The following DLG1 variants were observed in gnomAD, a reference collection of about 807,000 sequenced individuals.
DLG1 encodes disks large homolog 1.
In DLG1, 42 loss-of-function variants were observed where a neutral mutation model predicts 123.4. The ratio of observed to expected loss-of-function variants is 0.34; its 90% confidence interval spans 0.27 to 0.44. The LOEUF (loss-of-function observed/expected upper bound fraction) is 0.44. DLG1 is among the 20% of genes least tolerant of loss of function. The probability of loss-of-function intolerance (pLI) is 1.00; values close to 1 mark genes in which losing one functional copy is unlikely to be tolerated. For missense variants in DLG1, 942 were observed against 1,082.6 expected (o/e 0.87, Z 1.82); for synonymous variants, 317 against 356.2 (o/e 0.89, Z 1.24).
chr3:197,067,551 G>GTTTT (rs199907948), intron 19 of DLG1, among the ~76,000 whole-genome samples: 1,793 of 107,264 alleles, frequency 0.017, 135 homozygotes, highest in African/African-American at 0.042. Flanking sequence ...AACTCTGAGA[G>GTTTT]TTTTTTTTTT....
At chr3:197,225,376 A>G (rs1037092412) in intron 4 of DLG1, among the ~76,000 whole-genome samples, 2 of 152,252 alleles carry the variant, frequency 1.3e-5, no homozygotes, top group Non-Finnish European at 2.9e-5. Flanking sequence ...AATGAGTAGT[A>G]AAGTCATGGT....
At chr3:197,240,962 G>T (rs1478329760) in intron 4 of DLG1, among the ~76,000 whole-genome samples, 1 of 152,014 alleles carries the variant, frequency 6.6e-6, no homozygotes, top group Non-Finnish European at 1.5e-5. Flanking sequence ...AAAGAAAGTT[G>T]AGCAAAAGCA....
At chr3:197,046,604 G>C (rs1723259564) in intron 24 of DLG1, among the ~76,000 whole-genome samples, 1 of 152,206 alleles carries the variant, frequency 6.6e-6, no homozygotes, top group Non-Finnish European at 1.5e-5. Context: ...GGGTGCAGTG[G>C]CTCACGCCTG....
At chr3:197,244,717 G>T (rs1427681296) in intron 4 of DLG1, among the ~76,000 whole-genome samples, 1 of 151,740 alleles carries the variant, frequency 6.6e-6, no homozygotes, top group Non-Finnish European at 1.5e-5. Flanking sequence ...TTGTTGTTTG[G>T]ACTGCAGTCT....
chr3:197,194,426 T>G lies in DLG1; in HGVS notation c.482A>C (p.Lys161Thr). The G allele has an allele frequency of 6.3e-7, 1 of 1,575,698 alleles. No individual in the cohort carries two copies. The highest frequency in any genetic ancestry group is 8.6e-7 in the Non-Finnish European group (1 of 1,160,684). The change falls in exon 5 of 25, where the codon AAG (lysine) becomes ACG (threonine). Residue 161 changes from lysine to threonine, a missense_variant and splice_region_variant. Coordinates refer to ENST00000667157, the MANE Select transcript of DLG1 (RefSeq NM_001366207.1). ...AATAATAAATAGATACTATCCTACC[T>G]TTATTGGTGAAATATGAGAATGAGA... is the stretch of plus-strand genomic sequence containing the variant. The part of the protein sequence containing the change: ...FVSHSHISPI[K>T]ANPPPVLVNT...
At chr3:197,074,362 C>T (rs571313753) in intron 18 of DLG1, among the ~76,000 whole-genome samples, 120 of 152,116 alleles carry the variant, frequency 7.9e-4, no homozygotes, top group Middle Eastern at 6.8e-3. Context: ...TATTATTTCT[C>T]TTCCAAAGTC....
chr3:197,156,845 T>C (rs1291276697), intron 5 of DLG1, among the ~76,000 whole-genome samples: 1 of 152,180 alleles, frequency 6.6e-6, no homozygotes, highest in African/African-American at 2.4e-5. Context: ...TCTACAATAA[T>C]AGCTGGAGAC....
At chr3:197,128,837 GTTTT>G (rs369511144) in intron 11 of DLG1, among the ~76,000 whole-genome samples, 4 of 147,910 alleles carry the variant, frequency 2.7e-5, no homozygotes, top group African/African-American at 9.9e-5. Context: ...TGAAAGGAGT[GTTTT>G]TTTTTTGTTT....
intron 11 of DLG1, among the ~76,000 whole-genome samples, chr3:197,122,155 T>C (rs546035150): frequency 2.0e-5 from 3 of 152,184 alleles, no homozygotes; most frequent in South Asian, 2.1e-4. Context: ...TGTGGGTTTT[T>C]TCCCCCCACA....
intron 4 of DLG1, among the ~76,000 whole-genome samples, chr3:197,272,023 A>G (rs1764115887): frequency 6.6e-6 from 1 of 152,182 alleles, no homozygotes; most frequent in Non-Finnish European, 1.5e-5. Flanking sequence ...ACTCCTCTAC[A>G]ACTGGTGCTA....
chr3:197,296,029 T>G (rs1777208178), intron 3 of DLG1, among the ~76,000 whole-genome samples: 1 of 152,204 alleles, frequency 6.6e-6, no homozygotes, highest in Non-Finnish European at 1.5e-5. Flanking sequence ...GCCAGTCAAA[T>G]ACAGAAACAA....
intron 4 of DLG1, among the ~76,000 whole-genome samples, chr3:197,232,409 T>C (rs1006109787): frequency 1.5e-4 from 22 of 150,110 alleles, no homozygotes; most frequent in Non-Finnish European, 3.3e-4. Context: ...CTAATGATAC[T>C]GCTCATGGTA....
intron 4 of DLG1, among the ~76,000 whole-genome samples, chr3:197,195,932 T>C (rs1486196722): frequency 6.6e-6 from 1 of 151,824 alleles, no homozygotes; most frequent in African/African-American, 2.4e-5. Flanking sequence ...CTCAGCTTCT[T>C]TAGTGAGAGA....
chr3:197,152,474 A>G (rs1794412700), intron 5 of DLG1, among the ~76,000 whole-genome samples: 1 of 123,766 alleles, frequency 8.1e-6, no homozygotes, highest in African/African-American at 3.2e-5. Flanking sequence ...CCAGGGTAGG[A>G]CTTTTTAAAA....
intron 1 of DLG1, chr3:197,297,485 C>T: frequency 7.6e-7 from 1 of 1,312,284 alleles, no homozygotes; most frequent in Non-Finnish European, 9.7e-7. Flanking sequence ...GCGTCCCCTC[C>T]CCAAAGAGCC....
intron 3 of DLG1, among the ~76,000 whole-genome samples, chr3:197,290,310 C>T (rs1390876724): frequency 1.3e-5 from 2 of 152,084 alleles, no homozygotes; most frequent in Non-Finnish European, 2.9e-5. Context: ...TATTATAAAC[C>T]GGTTCAAGAA....
rs1334292456 is a variant in DLG1, at chr3:197,044,627, A to G, written c.2678T>C (p.Leu893Pro). ...GAAACAGAGAAACATGAGTTTTCAT[A>G]GCTTTTCTTTTGCCGGAACCCAGAT... is the stretch of plus-strand genomic sequence containing the variant. The part of the protein sequence containing the change: ...SYIWVPAKEK[L>P] Residue 893 changes from leucine to proline, a missense_variant, in exon 25 of 25, where the codon CTA becomes CCA. Leu to Pro is a moderately conservative substitution (Grantham distance 98, BLOSUM62 -3). Transcript: ENST00000667157. The G allele has an allele frequency of 6.3e-7, 1 of 1,599,314 alleles. No individual in the cohort carries two copies. Among genetic ancestry groups the G allele is most frequent in the Admixed American group, 1.7e-5 (1 of 58,980 alleles).
At chr3:197,158,643 A>AAAAAAAAC (rs1797488151) in intron 5 of DLG1, among the ~76,000 whole-genome samples, 1 of 122,710 alleles carries the variant, frequency 8.1e-6, no homozygotes, top group African/African-American at 3.0e-5. Flanking sequence ...TCAAAAAAAA[A>AAAAAAAAC]AAAAAAAAAA....
At chr3:197,104,370 CCAG>C (rs1385267309) in intron 14 of DLG1, among the ~76,000 whole-genome samples, 1 of 151,996 alleles carries the variant, frequency 6.6e-6, no homozygotes, top group African/African-American at 2.4e-5. Context: ...CTTGTGGATG[CCAG>C]TTCCCACATC....
Sources: gnomAD v4.1 joint callset for allele counts (sites outside exome capture counted in the v4.1 genomes callset) on GRCh38, gnomAD v4.1.1 for gene constraint, MANE v1.5 for transcripts, NCBI Gene and HGNC (gene_info 2026-07-23, HGNC 2026-07-21) for gene names.